The following RIMS1 variants were observed in gnomAD, a reference collection of about 807,000 sequenced individuals.
The protein encoded by RIMS1 is regulating synaptic membrane exocytosis 1, also known as regulating synaptic membrane exocytosis protein 1.
A neutral mutation model predicts 214.1 loss-of-function variants in RIMS1; 83 were observed. That is an observed-to-expected ratio of 0.39 (90% confidence interval 0.32 to 0.47). The LOEUF is 0.47. RIMS1 is among the 20% of genes least tolerant of loss of function. The pLI, the probability that RIMS1 is intolerant of heterozygous loss-of-function variation, is 0.99. For missense variants in RIMS1, 2,050 were observed against 2,161.8 expected (o/e 0.95, Z 1.03); for synonymous variants, 793 against 786.8 (o/e 1.01, Z -0.13).
intron 2 of RIMS1, among the ~76,000 whole-genome samples, chr6:72,006,496 C>A (rs967142048): frequency 1.3e-5 from 2 of 152,110 alleles, no homozygotes; most frequent in African/African-American, 4.8e-5. Flanking sequence ...ACAGTGGGTG[C>A]AGTGCACCGA....
chr6:72,066,816 A>C (rs984097817), intron 2 of RIMS1, among the ~76,000 whole-genome samples: 1 of 152,128 alleles, frequency 6.6e-6, no homozygotes, highest in Non-Finnish European at 1.5e-5. Context: ...TCTCCCTCAA[A>C]TAAACTCCTC....
chr6:72,103,477 G>T (rs956765562), intron 4 of RIMS1, among the ~76,000 whole-genome samples: 4 of 151,990 alleles, frequency 2.6e-5, no homozygotes, highest in African/African-American at 9.7e-5. Context: ...TCTGTTTCAA[G>T]AAATTATAAT....
chr6:71,966,730 C>A (rs1031454423), intron 1 of RIMS1, among the ~76,000 whole-genome samples: 75 of 152,152 alleles, frequency 4.9e-4, no homozygotes, highest in African/African-American at 1.8e-3. Flanking sequence ...ACCATGTTGG[C>A]CAGTCTGGTC....
intron 6 of RIMS1, among the ~76,000 whole-genome samples, chr6:72,202,511 C>T (rs991533079): frequency 6.6e-6 from 1 of 152,188 alleles, no homozygotes; most frequent in Non-Finnish European, 1.5e-5. Flanking sequence ...TTAATTGCAT[C>T]TTTAAAGACT....
chr6:72,164,642 G>A (rs374437155), intron 4 of RIMS1, among the ~76,000 whole-genome samples: 65 of 152,200 alleles, frequency 4.3e-4, no homozygotes, highest in African/African-American at 1.1e-3. Context: ...GTGGCATAAT[G>A]TCTCTCATTG....
At chr6:72,188,088 C>T (rs2049426230) in intron 6 of RIMS1, among the ~76,000 whole-genome samples, 1 of 152,132 alleles carries the variant, frequency 6.6e-6, no homozygotes, top group South Asian at 2.1e-4. Flanking sequence ...TTTATTCTGG[C>T]CGTGCTGGGA....
chr6:72,132,928 TATATGTGTGTAAA>T (rs1217001721), intron 4 of RIMS1, among the ~76,000 whole-genome samples: 1 of 152,174 alleles, frequency 6.6e-6, no homozygotes, highest in Non-Finnish European at 1.5e-5. Flanking sequence ...TTATTTGTTG[TATATGTGTGTAAA>T]ATATCCATAT....
At chr6:72,082,506 G>A (rs1290089978) in intron 2 of RIMS1, among the ~76,000 whole-genome samples, 1 of 152,122 alleles carries the variant, frequency 6.6e-6, no homozygotes, top group Non-Finnish European at 1.5e-5. Context: ...CTAATAAGAG[G>A]AAGAGCCCAA....
At chr6:72,168,559 G>A (rs909215695) in intron 4 of RIMS1, among the ~76,000 whole-genome samples, 16 of 152,138 alleles carry the variant, frequency 1.1e-4, no homozygotes, top group Admixed American at 3.3e-4. Flanking sequence ...GGAATTATAC[G>A]CAATGCTCAC....
At chr6:72,119,721 G>A (rs757944035) in intron 4 of RIMS1, among the ~76,000 whole-genome samples, 1 of 151,540 alleles carries the variant, frequency 6.6e-6, no homozygotes, top group African/African-American at 2.4e-5. Context: ...TGTTACATAT[G>A]TATACATGTA....
intron 2 of RIMS1, among the ~76,000 whole-genome samples, chr6:72,090,911 C>G (rs544554960): frequency 6.6e-6 from 1 of 152,232 alleles, no homozygotes; most frequent in East Asian, 1.9e-4. Flanking sequence ...TTAATCAGTC[C>G]ATCGTTCTCA....
intron 22 of RIMS1, among the ~76,000 whole-genome samples, chr6:72,272,274 C>A (rs562282155): frequency 1.4e-4 from 22 of 152,080 alleles, no homozygotes; most frequent in African/African-American, 3.1e-4. Context: ...GGGAAAAAAA[C>A]CAGAAGTAGC....
intron 25 of RIMS1, 135 bp downstream of exon 25, chr6:72,290,996 A>G: frequency 1.4e-6 from 1 of 731,300 alleles, no homozygotes; most frequent in Non-Finnish European, 2.2e-6. Context: ...TGACACTTAA[A>G]TCTCTCTCAC....
intron 4 of RIMS1, among the ~76,000 whole-genome samples, chr6:72,143,285 G>C (rs1562414929): frequency 6.6e-6 from 1 of 152,092 alleles, no homozygotes; most frequent in Non-Finnish European, 1.5e-5. Flanking sequence ...AGATGACTGG[G>C]ATATGGATTT....
chr6:72,234,206 A>G (rs1375195006), intron 7 of RIMS1, among the ~76,000 whole-genome samples: 2 of 151,922 alleles, frequency 1.3e-5, no homozygotes, highest in Admixed American at 1.3e-4. Context: ...AACCACTTTA[A>G]GAAACTTTTA....
chr6:72,017,658 T>A (rs1455540560), intron 2 of RIMS1, among the ~76,000 whole-genome samples: 1 of 152,204 alleles, frequency 6.6e-6, no homozygotes, highest in East Asian at 1.9e-4. Flanking sequence ...GAAAGATAAA[T>A]TCTGTTAAGG....
chr6:72,247,669 A>G (rs1198503984), intron 11 of RIMS1, among the ~76,000 whole-genome samples: 1 of 152,070 alleles, frequency 6.6e-6, no homozygotes, highest in African/African-American at 2.4e-5. Flanking sequence ...AGGACAGTTT[A>G]TAATAGATGA....
chr6:71,951,078 A>T (rs1789345916), intron 1 of RIMS1, among the ~76,000 whole-genome samples: 4 of 152,230 alleles, frequency 2.6e-5, no homozygotes. Flanking sequence ...GTCAGTCCAA[A>T]GTTGTAAAAT....
In RIMS1 at chr6:72,171,376, A is replaced by G. The variant is rs182364414; in HGVS notation, c.472-8199A>G. 1.7e-3 allele frequency among the ~76,000 whole-genome samples: 252 copies of G among 150,820 alleles called. 2 individuals are homozygous for G. Among genetic ancestry groups the G allele is most frequent in the South Asian group, 6.3e-4 (3 of 4,792 alleles). ...TGTGTGTGTATATATATATATGTGT[A>G]TATATATATGCACACATACACACAC... On this transcript the variant is annotated intron_variant, in intron 4 of 33. Transcript: ENST00000521978.
Sources: gnomAD v4.1 joint callset for allele counts (sites outside exome capture counted in the v4.1 genomes callset) on GRCh38, gnomAD v4.1.1 for gene constraint, MANE v1.5 for transcripts, NCBI Gene and HGNC (gene_info 2026-07-23, HGNC 2026-07-21) for gene names.